The following ST6GALNAC5 variants were observed in gnomAD, a reference collection of about 807,000 sequenced individuals.
The protein encoded by ST6GALNAC5 is alpha-N-acetylgalactosaminide alpha-2,6-sialyltransferase 5.
Under a neutral mutation model 33.6 loss-of-function variants are expected in ST6GALNAC5, and 27 were observed. The observed-to-expected ratio is 0.80, with a 90% CI of 0.59 to 1.11. ST6GALNAC5 has a LOEUF of 1.11. ST6GALNAC5 is among the 50% of genes least tolerant of loss of function. ST6GALNAC5 has a pLI of 0.00. For missense variants in ST6GALNAC5, 428 were observed against 454.0 expected (o/e 0.94, Z 0.52); for synonymous variants, 194 against 171.2 (o/e 1.13, Z -1.04).
chr1:76,898,836 AC>A (rs1245921352), intron 2 of ST6GALNAC5, among the ~76,000 whole-genome samples: 2 of 152,048 alleles, frequency 1.3e-5, no homozygotes, highest in African/African-American at 4.8e-5. Context: ...AAGAATTCGG[AC>A]CTAGCTCGGC....
intron 2 of ST6GALNAC5, among the ~76,000 whole-genome samples, chr1:77,009,905 C>T (rs1164431882): frequency 6.6e-6 from 1 of 152,074 alleles, no homozygotes; most frequent in African/African-American, 2.4e-5. Flanking sequence ...CTATTCTTTC[C>T]AATTTCTAGA....
At chr1:77,020,166 G>A (rs1342256651) in intron 2 of ST6GALNAC5, among the ~76,000 whole-genome samples, 1 of 152,152 alleles carries the variant, frequency 6.6e-6, no homozygotes, top group Non-Finnish European at 1.5e-5. Flanking sequence ...TTTTAACTGT[G>A]GAGCCTCTTT....
intron 3 of ST6GALNAC5, 108 bp downstream of exon 3, chr1:77,044,721 T>G (rs1651952205): frequency 2.2e-6 from 3 of 1,338,508 alleles, no homozygotes; most frequent in Non-Finnish European, 3.1e-6. Flanking sequence ...TGGGCTCCAC[T>G]GCTCATGTCA....
At chr1:77,033,180 G>T (rs1557768437) in intron 2 of ST6GALNAC5, among the ~76,000 whole-genome samples, 1 of 152,142 alleles carries the variant, frequency 6.6e-6, no homozygotes, top group Non-Finnish European at 1.5e-5. Flanking sequence ...AAACAAATAG[G>T]CCTGTCCCAC....
chr1:77,009,536 G>A (rs142035190), intron 2 of ST6GALNAC5, among the ~76,000 whole-genome samples: 310 of 152,234 alleles, frequency 2.0e-3, no homozygotes, highest in African/African-American at 7.1e-3. Flanking sequence ...GGAAATGAAG[G>A]AGAGTGAAAG....
At chr1:77,061,553 C>T (rs1652575310) in intron 4 of ST6GALNAC5, among the ~76,000 whole-genome samples, 1 of 152,186 alleles carries the variant, frequency 6.6e-6, no homozygotes, top group African/African-American at 2.4e-5. Context: ...AGATGATTTG[C>T]AAGATGCTGG....
At position 76,958,183 on chromosome 1, in the gene ST6GALNAC5, C is replaced by T. The variant is rs75733340; in HGVS notation, c.262-86021C>T. Among the ~76,000 whole-genome samples, 684 of 152,298 alleles carry T rather than the reference C, an allele frequency of 4.5e-3. 8 individuals are homozygous for T. The highest frequency in any genetic ancestry group is 0.014 in the African/African-American group (590 of 41,564). ...ACAGCTTTGCTGGGGTGGCGGCAAC[C>T]GCTTCTCTGCACAGTCATGCACATT... On this transcript the variant is annotated intron_variant, in intron 2 of 4. Transcript: ENST00000477717.
At chr1:76,920,999 A>T (rs1045483404) in intron 2 of ST6GALNAC5, among the ~76,000 whole-genome samples, 5 of 152,208 alleles carry the variant, frequency 3.3e-5, no homozygotes, top group African/African-American at 1.2e-4. Context: ...CTAATGGCAG[A>T]GAATGTAGAC....
chr1:77,019,956 C>A (rs760750606), intron 2 of ST6GALNAC5, among the ~76,000 whole-genome samples: 5 of 152,170 alleles, frequency 3.3e-5, no homozygotes, highest in Non-Finnish European at 5.9e-5. Context: ...TACACAGCCA[C>A]ATTGCCAACA....
At chr1:76,913,519 A>C (rs112692836) in intron 2 of ST6GALNAC5, among the ~76,000 whole-genome samples, 7 of 152,142 alleles carry the variant, frequency 4.6e-5, no homozygotes, top group African/African-American at 1.7e-4. Context: ...AGTGTTTTCC[A>C]ACTTGGTTCC....
intron 2 of ST6GALNAC5, among the ~76,000 whole-genome samples, chr1:76,882,446 G>A (rs1173133769): frequency 6.6e-6 from 1 of 152,072 alleles, no homozygotes; most frequent in Non-Finnish European, 1.5e-5. Context: ...CAAATTCTGA[G>A]ATGTAATACT....
intron 2 of ST6GALNAC5, among the ~76,000 whole-genome samples, chr1:76,979,026 A>G (rs1385105034): frequency 2.0e-5 from 3 of 152,166 alleles, no homozygotes; most frequent in African/African-American, 7.2e-5. Context: ...TTCATTTGCA[A>G]TAGCTAAAGA....
At chr1:77,021,592 C>A (rs996557761) in intron 2 of ST6GALNAC5, among the ~76,000 whole-genome samples, 1 of 152,122 alleles carries the variant, frequency 6.6e-6, no homozygotes. Context: ...TTCACATGAG[C>A]CTTTGTCCTG....
At chr1:77,020,385 C>A (rs1387776834) in intron 2 of ST6GALNAC5, among the ~76,000 whole-genome samples, 1 of 151,910 alleles carries the variant, frequency 6.6e-6, no homozygotes, top group East Asian at 1.9e-4. Context: ...CTTTTGTTTC[C>A]TTTGTTGTTT....
intron 2 of ST6GALNAC5, among the ~76,000 whole-genome samples, chr1:77,037,720 A>G (rs1249757618): frequency 6.6e-6 from 1 of 152,160 alleles, no homozygotes; most frequent in Non-Finnish European, 1.5e-5. Context: ...TATAAAAGAT[A>G]GAATAAAAGA....
chr1:76,957,412 A>G (rs1219366293), intron 2 of ST6GALNAC5, among the ~76,000 whole-genome samples: 1 of 152,126 alleles, frequency 6.6e-6, no homozygotes, highest in East Asian at 1.9e-4. Context: ...TTTAGGGCCC[A>G]CCCTAATTCA....
chr1:76,932,090 GA>G (rs1405769898), intron 2 of ST6GALNAC5, among the ~76,000 whole-genome samples: 1 of 152,086 alleles, frequency 6.6e-6, no homozygotes, highest in East Asian at 1.9e-4. Flanking sequence ...ACTAAGTTAG[GA>G]ATAAAGAAGT....
At chr1:77,033,907 G>A (rs1240428617) in intron 2 of ST6GALNAC5, among the ~76,000 whole-genome samples, 1 of 152,132 alleles carries the variant, frequency 6.6e-6, no homozygotes, top group African/African-American at 2.4e-5. Flanking sequence ...GGAGTGGTGT[G>A]AGCTATGCTT....
At chr1:77,051,949 T>C (rs2100471560) in intron 4 of ST6GALNAC5, among the ~76,000 whole-genome samples, 1 of 152,366 alleles carries the variant, frequency 6.6e-6, no homozygotes, top group East Asian at 1.9e-4. Flanking sequence ...CCATTTATTA[T>C]GGAAAACAAA....
Sources: gnomAD v4.1 joint callset for allele counts (sites outside exome capture counted in the v4.1 genomes callset) on GRCh38, gnomAD v4.1.1 for gene constraint, MANE v1.5 for transcripts, NCBI Gene and HGNC (gene_info 2026-07-23, HGNC 2026-07-21) for gene names.